The following ATP7A variants were observed in gnomAD, a reference collection of about 807,000 sequenced individuals.
ATP7A encodes ATPase copper transporting alpha, also known as copper-transporting ATPase 1.
ATP7A carries 7 observed loss-of-function variants against 83.5 expected under a neutral mutation model. That is an observed-to-expected ratio of 0.08 (90% confidence interval 0.05 to 0.16). ATP7A has a LOEUF of 0.16. ATP7A is among the 10% of genes least tolerant of loss of function. The probability of loss-of-function intolerance (pLI) is 1.00; values close to 1 mark genes in which losing one functional copy is unlikely to be tolerated. For synonymous variants in ATP7A, 354 were observed against 395.2 expected (o/e 0.90, Z 1.24); for missense variants, 940 against 1,120.8 (o/e 0.84, Z 2.30).
intron 1 of ATP7A, among the ~76,000 whole-genome samples, chrX:77,916,882 T>G (rs781829233): frequency 2.7e-5 from 3 of 111,241 alleles, no homozygotes; most frequent in Non-Finnish European, 5.6e-5. Context: ...AGAGAGAAAT[T>G]AGGTACTACT....
At chrX:77,932,797 C>T (rs782025160) in intron 1 of ATP7A, among the ~76,000 whole-genome samples, 1 of 112,308 alleles carries the variant, frequency 8.9e-6, no homozygotes, top group African/African-American at 3.2e-5. Flanking sequence ...CGCAGGCACT[C>T]GGCAGGCTGA....
intron 14 of ATP7A, among the ~76,000 whole-genome samples, chrX:78,022,884 A>G (rs2077917384): frequency 9.0e-6 from 1 of 111,153 alleles, no homozygotes; most frequent in African/African-American, 3.3e-5. Flanking sequence ...TAGTGACCCC[A>G]TCTCCCAAAC....
intron 1 of ATP7A, among the ~76,000 whole-genome samples, chrX:77,939,869 T>C (rs1458861631): frequency 9.2e-6 from 1 of 108,428 alleles, no homozygotes; most frequent in East Asian, 2.9e-4. Flanking sequence ...TTAGTATTTT[T>C]TTTTGTTTTT....
intron 19 of ATP7A, among the ~76,000 whole-genome samples, chrX:78,041,248 G>GCAAGTAAT (rs2078045929): frequency 9.0e-6 from 1 of 110,970 alleles, no homozygotes; most frequent in Non-Finnish European, 1.9e-5. Flanking sequence ...AATAAATAAT[G>GCAAGTAAT]CAAGTAATCT....
intron 16 of ATP7A, among the ~76,000 whole-genome samples, chrX:78,031,859 A>C (rs1557237112): frequency 8.9e-6 from 1 of 112,204 alleles, no homozygotes; most frequent in Non-Finnish European, 1.9e-5. Flanking sequence ...CAATTCAGAT[A>C]GTTCAGAGAA....
At chrX:77,961,614 G>T (rs1306490290) in intron 1 of ATP7A, among the ~76,000 whole-genome samples, 1 of 111,430 alleles carries the variant, frequency 9.0e-6, no homozygotes, top group Non-Finnish European at 1.9e-5. Context: ...CCTTTTTTAG[G>T]CTCAGGACTA....
chrX:78,036,800 G>T (rs1472446881), intron 17 of ATP7A, among the ~76,000 whole-genome samples: 1 of 111,412 alleles, frequency 9.0e-6, no homozygotes, highest in African/African-American at 3.3e-5. Flanking sequence ...AGAGAATCTT[G>T]CGGGGATTCG....
At chrX:77,955,521 C>T (rs192603617) in intron 1 of ATP7A, among the ~76,000 whole-genome samples, 2 of 111,320 alleles carry the variant, frequency 1.8e-5, no homozygotes. Context: ...TATTTTGTGG[C>T]ACATTATAAT....
chrX:77,981,929 TA>T, intron 2 of ATP7A, among the ~76,000 whole-genome samples: 1 of 111,632 alleles, frequency 9.0e-6, no homozygotes, highest in African/African-American at 3.2e-5. Context: ...TCAAATAGGA[TA>T]AATGTTCATG....
At chrX:77,946,792 G>A (rs1285438540) in intron 1 of ATP7A, among the ~76,000 whole-genome samples, 1 of 106,436 alleles carries the variant, frequency 9.4e-6, no homozygotes, top group African/African-American at 3.4e-5. Context: ...TGGAACTCTT[G>A]TGCATTGTTG....
intron 10 of ATP7A, among the ~76,000 whole-genome samples, chrX:78,013,648 A>G (rs2077842229): frequency 8.9e-6 from 1 of 112,017 alleles, no homozygotes; most frequent in African/African-American, 3.2e-5. Context: ...GTTTTTCACC[A>G]TTAGATTGTT....
intron 3 of ATP7A, 115 bp downstream of exon 3, chrX:77,988,846 G>GT: frequency 3.2e-6 from 3 of 930,011 alleles, no homozygotes; most frequent in Non-Finnish European, 4.6e-6. Flanking sequence ...AGTGCTTGCT[G>GT]TATCATTGAG....
chrX:78,041,629 CT>C (rs1767881933), intron 19 of ATP7A, among the ~76,000 whole-genome samples: 1 of 111,119 alleles, frequency 9.0e-6, no homozygotes, highest in Non-Finnish European at 1.9e-5. Context: ...AAAATGTCCT[CT>C]TTTCCCCATG....
intron 10 of ATP7A, among the ~76,000 whole-genome samples, chrX:78,013,729 A>G (rs1473336092): frequency 8.9e-6 from 1 of 111,933 alleles, no homozygotes; most frequent in Non-Finnish European, 1.9e-5. Flanking sequence ...CATTGAGCTA[A>G]TATCTTAGAA....
At chrX:77,948,059 A>ATATTTATTTATT (rs200263608) in intron 1 of ATP7A, among the ~76,000 whole-genome samples, 40 of 94,063 alleles carry the variant, frequency 4.3e-4, no homozygotes, top group Non-Finnish European at 7.3e-4. Context: ...CAATTTAAAA[A>ATATTTATTTATT]TATTTATTTA....
chrX:77,957,919 T>C (rs2077454065), intron 1 of ATP7A, among the ~76,000 whole-genome samples: 2 of 111,434 alleles, frequency 1.8e-5, no homozygotes, highest in African/African-American at 6.5e-5. Flanking sequence ...TTTGGATGTT[T>C]GTCCTTTCCA....
intron 4 of ATP7A, among the ~76,000 whole-genome samples, chrX:77,992,755 G>A (rs1468135057): frequency 9.0e-6 from 1 of 110,763 alleles, no homozygotes; most frequent in East Asian, 2.8e-4. Flanking sequence ...GGGATTACAG[G>A]TGCACGCCAC....
At chrX:78,012,276 A>T (rs1603385540) in intron 9 of ATP7A, among the ~76,000 whole-genome samples, 1 of 112,236 alleles carries the variant, frequency 8.9e-6, no homozygotes, top group Non-Finnish European at 1.9e-5. Flanking sequence ...ATTTTAAAAA[A>T]CATCTTAGTT....
At chrX:78,030,207 C>T (rs1569550155) in intron 15 of ATP7A, among the ~76,000 whole-genome samples, 1 of 111,964 alleles carries the variant, frequency 8.9e-6, no homozygotes, top group Non-Finnish European at 1.9e-5. Flanking sequence ...AGGCGGACCA[C>T]GAGGTCAGGA....
Sources: gnomAD v4.1 joint callset for allele counts (sites outside exome capture counted in the v4.1 genomes callset) on GRCh38, gnomAD v4.1.1 for gene constraint, MANE v1.5 for transcripts, NCBI Gene and HGNC (gene_info 2026-07-23, HGNC 2026-07-21) for gene names.